Variants in SCD5 observed in about 807,000 individuals in gnomAD.
SCD5 encodes the protein stearoyl-CoA desaturase 5, also known as acyl-CoA-desaturase 4.
A neutral mutation model predicts 30.4 loss-of-function variants in SCD5; 20 were observed. The observed-to-expected ratio is 0.66, with a 90% CI of 0.46 to 0.96. The LOEUF (loss-of-function observed/expected upper bound fraction) is 0.96. Among genes scored for constraint, SCD5 ranks in the 40% least tolerant of loss-of-function variants. The pLI is 0.00. For synonymous variants in SCD5, 173 were observed against 176.4 expected (o/e 0.98, Z 0.16); for missense variants, 381 against 443.3 (o/e 0.86, Z 1.26).
rs539055533 is a variant in SCD5, at chr4:82,756,741, C to T, written c.232+41565G>A. The stretch of plus-strand genomic sequence containing the variant: ...TTCCATGCTCTTTCCTACTTGTAGC[C>T]GCCCTCACCATCTCTCACTAGAACC... On this transcript the variant is annotated intron_variant, in intron 1 of 4. Transcript: ENST00000319540. Among the ~76,000 whole-genome samples, 12 of 150,272 alleles carry T rather than the reference C, an allele frequency of 8.0e-5. No individual in the cohort carries two copies. In the South Asian group the frequency reaches 1.9e-3, roughly 24 times the overall value.
chr4:82,693,896 C>A (rs991315264), intron 2 of SCD5, among the ~76,000 whole-genome samples: 3 of 152,202 alleles, frequency 2.0e-5, no homozygotes, highest in African/African-American at 7.2e-5. Context: ...ATTGCACACA[C>A]TGGCCGGACA....
intron 4 of SCD5, among the ~76,000 whole-genome samples, chr4:82,633,210 C>G (rs1362369210): frequency 6.6e-6 from 1 of 152,100 alleles, no homozygotes; most frequent in Non-Finnish European, 1.5e-5. Context: ...TTTTAGATTC[C>G]ACATAGAAGT....
At chr4:82,641,921 G>A (rs1727554926) in intron 3 of SCD5, among the ~76,000 whole-genome samples, 1 of 152,118 alleles carries the variant, frequency 6.6e-6, no homozygotes, top group Non-Finnish European at 1.5e-5. Context: ...GGAGAATGGA[G>A]GAGGAGTGGC....
intron 1 of SCD5, among the ~76,000 whole-genome samples, chr4:82,706,439 T>C (rs1012377595): frequency 2.6e-5 from 4 of 152,256 alleles, no homozygotes; most frequent in Admixed American, 2.0e-4. Context: ...CTTGCATGGT[T>C]GTCTGTCTAT....
intron 1 of SCD5, among the ~76,000 whole-genome samples, chr4:82,780,366 C>T (rs1721841156): frequency 6.6e-6 from 1 of 152,206 alleles, no homozygotes; most frequent in African/African-American, 2.4e-5. Context: ...GGCCTAGGTC[C>T]ATCTCCCCTT....
In SCD5 at chr4:82,774,630, CA is replaced by C. The variant is rs547453525; in HGVS notation, c.232+23675del. On this transcript the variant is annotated intron_variant, in intron 1 of 4. Coordinates refer to ENST00000319540, the MANE Select transcript of SCD5 (RefSeq NM_001037582.3). ...CCCAGGTTTTGAGCACAGAAACCCACAAACCACTTCTCCCTGGGAGAAAAGT... is the reference window on the plus strand; with the variant it reads ...CCCAGGTTTTGAGCACAGAAACCCACAACCACTTCTCCCTGGGAGAAAAGT... Among the ~76,000 whole-genome samples, 12 of 152,316 alleles carry C rather than the reference CA, an allele frequency of 7.9e-5. No individual in the cohort carries two copies. The East Asian group carries it at 2.3e-3, about 29-fold the overall frequency.
intron 3 of SCD5, among the ~76,000 whole-genome samples, chr4:82,665,688 T>C (rs1299718699): frequency 6.6e-6 from 1 of 151,756 alleles, no homozygotes; most frequent in Non-Finnish European, 1.5e-5. Context: ...TTACAAGAAA[T>C]ATAAAGGAAG....
intron 1 of SCD5, among the ~76,000 whole-genome samples, chr4:82,759,478 ACC>A (rs1721307918): frequency 1.3e-5 from 2 of 151,800 alleles, no homozygotes; most frequent in Non-Finnish European, 2.9e-5. Context: ...GTCAAGCATG[ACC>A]CTTCACTTAC....
At chr4:82,776,521 CT>C (rs921282036) in intron 1 of SCD5, among the ~76,000 whole-genome samples, 1 of 152,144 alleles carries the variant, frequency 6.6e-6, no homozygotes, top group Non-Finnish European at 1.5e-5. Context: ...CTGCTGGAGG[CT>C]TTCCTAGGAA....
chr4:82,773,914 AC>A (rs1290280496), intron 1 of SCD5, among the ~76,000 whole-genome samples: 1 of 151,920 alleles, frequency 6.6e-6, no homozygotes, highest in African/African-American at 2.4e-5. Flanking sequence ...ATATGGTGAA[AC>A]CTCGTCTTAC....
intron 2 of SCD5, among the ~76,000 whole-genome samples, chr4:82,681,217 C>T (rs1024531373): frequency 2.0e-5 from 3 of 151,996 alleles, no homozygotes; most frequent in East Asian, 3.9e-4. Flanking sequence ...CTGGTGGGGG[C>T]GACTGAAGTC....
intron 1 of SCD5, among the ~76,000 whole-genome samples, chr4:82,746,766 C>T (rs1286707991): frequency 6.6e-6 from 1 of 152,052 alleles, no homozygotes; most frequent in East Asian, 1.9e-4. Context: ...AAGGGAGGTG[C>T]TGAGTAGAGA....
At position 82,653,715 on chromosome 4, in the gene SCD5, G is replaced by GATAGATAGAT. The variant is rs1560524990; in HGVS notation, c.570-16902_570-16893dup. 1.7e-4 allele frequency among the ~76,000 whole-genome samples: 26 copies of GATAGATAGAT among 151,800 alleles called. No individual in the cohort carries two copies. The South Asian group carries it at 2.1e-3, about 12-fold the overall frequency. On this transcript the variant is annotated intron_variant, in intron 3 of 4. Transcript: ENST00000319540. ...ATAGATAGATAGATAGATATAGATA[G>GATAGATAGAT]ATAGATAGATATAGATAGATAGGCT... is the stretch of plus-strand genomic sequence containing the variant.
intron 1 of SCD5, among the ~76,000 whole-genome samples, chr4:82,788,148 T>C (rs1722023895): frequency 6.6e-6 from 1 of 152,166 alleles, no homozygotes; most frequent in Non-Finnish European, 1.5e-5. Context: ...AATAAGGAAG[T>C]GGGTCCTTAC....
At chr4:82,713,462 A>G (rs977850051) in intron 1 of SCD5, among the ~76,000 whole-genome samples, 4 of 152,248 alleles carry the variant, frequency 2.6e-5, no homozygotes, top group Non-Finnish European at 4.4e-5. Context: ...GGATCGTTCC[A>G]GGACTTCATT....
intron 3 of SCD5, among the ~76,000 whole-genome samples, chr4:82,666,168 A>G (rs1378996337): frequency 1.3e-5 from 2 of 152,206 alleles, no homozygotes; most frequent in Non-Finnish European, 2.9e-5. Context: ...GTCTTACCAT[A>G]TGGGAAAAAA....
intron 3 of SCD5, among the ~76,000 whole-genome samples, chr4:82,640,382 A>C (rs1354063132): frequency 2.0e-5 from 3 of 152,200 alleles, no homozygotes; most frequent in African/African-American, 7.2e-5. Context: ...TTCCTCAAAA[A>C]AGACATTCTT....
At chr4:82,688,520 C>T (rs1212593293) in intron 2 of SCD5, among the ~76,000 whole-genome samples, 1 of 152,140 alleles carries the variant, frequency 6.6e-6, no homozygotes, top group Non-Finnish European at 1.5e-5. Flanking sequence ...ATGTTGGGTG[C>T]TTTCCCCATT....
At chr4:82,781,476 G>A (rs903133830) in intron 1 of SCD5, among the ~76,000 whole-genome samples, 10 of 152,200 alleles carry the variant, frequency 6.6e-5, no homozygotes, top group Admixed American at 5.9e-4. Flanking sequence ...CCAAGAGAAG[G>A]GAGGGGAAAG....
Sources: allele counts gnomAD v4.1 joint callset (sites outside exome capture counted in the v4.1 genomes callset), GRCh38; gene constraint gnomAD v4.1.1; transcripts MANE v1.5; gene names NCBI Gene and HGNC (gene_info 2026-07-23, HGNC 2026-07-21).